DNM1: variants seen among roughly 807,000 people sequenced by gnomAD.
DNM1 encodes the protein dynamin-1.
A neutral mutation model predicts 104.6 loss-of-function variants in DNM1; 29 were observed. The ratio of observed to expected loss-of-function variants is 0.28; its 90% CI spans 0.21 to 0.38. The LOEUF is 0.38. Ranked by LOEUF, DNM1 falls within the 10% of genes least tolerant of loss-of-function variation. DNM1 has a pLI of 1.00. For missense variants in DNM1, 640 were observed against 1,189.4 expected (o/e 0.54, Z 6.79); for synonymous variants, 445 against 475.8 (o/e 0.94, Z 0.84).
In DNM1 at chr9:128,219,262, C is replaced by T. The variant is rs987855255; in HGVS notation, c.589+10C>T. On this transcript the variant is annotated intron_variant, in intron 4 of 21. Transcript: ENST00000372923. ...GAGGTGGACCCCCAGGGTAGGTTCC[C>T]ACCCGGTGGCCAATGCACAAAACCC... The T allele has an allele frequency of 8.1e-6, 13 of 1,612,860 alleles. No homozygotes were observed. The African/African-American group carries it at 1.6e-4, about 20-fold the overall frequency.
chr9:128,227,519 C>G (rs1324727969), intron 10 of DNM1, among the ~76,000 whole-genome samples: 1 of 149,414 alleles, frequency 6.7e-6, no homozygotes, highest in African/African-American at 2.5e-5. Flanking sequence ...GTGGCTGGGA[C>G]TACAGGTGAG....
rs765097955 is a variant in DNM1 at position 128,218,325 on chromosome 9, G to C, written c.235+21G>C. The C allele has an allele frequency of 5.0e-5, 81 of 1,613,374 alleles. No individual in the cohort carries two copies. The highest frequency in any genetic ancestry group is 1.6e-4 in the Middle Eastern group (1 of 6,084). Reference sequence around the variant, plus strand: ...CACAGGTACGTGCCCTCCTTCACCAGCAGCCAGGCCTGCCCACTCCAGCCT... The same window carrying C: ...CACAGGTACGTGCCCTCCTTCACCACCAGCCAGGCCTGCCCACTCCAGCCT... On this transcript the variant is annotated intron_variant, in intron 2 of 21. Coordinates refer to ENST00000372923, the MANE Select transcript of DNM1 (RefSeq NM_004408.4). This position sits in a 1 kb window ranked among gnomAD's most constrained non-coding sequence, Gnocchi z 4.8.
rs1438492902 is a variant in DNM1 at position 128,220,899 on chromosome 9, T to TTC, written c.849+560_849+561dup. On this transcript the variant is annotated intron_variant, in intron 6 of 21. Coordinates refer to ENST00000372923, the MANE Select transcript of DNM1 (RefSeq NM_004408.4). The surrounding 1 kb of genome is among the most constrained non-coding windows in gnomAD (Gnocchi z 5.2). The stretch of plus-strand genomic sequence containing the variant: ...TTCTTTATTTGTTTTCTTTCTTTCT[T>TTC]TCTTTCTTTCTTTCTTTCTTTCTTT... Among the ~76,000 whole-genome samples, 3 of 143,340 alleles carry TTC rather than the reference T, an allele frequency of 2.1e-5. No individual in the cohort carries two copies. Among genetic ancestry groups the TTC allele is most frequent in the African/African-American group, 7.6e-5 (3 of 39,340 alleles). 94.0% of individuals were successfully genotyped at this position (143,340 alleles called of 152,430 possible). A position where few individuals can be genotyped will look rare whatever the true frequency, so the allele number is the denominator to read the frequency against.
Position 128,240,144 on chromosome 9 carries a change from C to A in DNM1, c.1557+148C>A. 2.1e-6 allele frequency: 2 copies of A among 957,730 alleles called. No individual in the cohort carries two copies. Among genetic ancestry groups the A allele is most frequent in the Non-Finnish European group, 1.7e-6 (1 of 605,300 alleles). 59.3% of individuals were successfully genotyped at this position (957,730 alleles called of 1,614,324 possible). A position where few individuals can be genotyped will look rare whatever the true frequency, so the allele number is the denominator to read the frequency against. On this transcript the variant is annotated intron_variant, in intron 14 of 21. Coordinates refer to ENST00000372923, the MANE Select transcript of DNM1 (RefSeq NM_004408.4). This position sits in a 1 kb window ranked among gnomAD's most constrained non-coding sequence, Gnocchi z 5.1. ...CTGGCATTTCACACCTGCCCTCAGG[C>A]CAGAGGCAGGCCCAGCCGCATCCAC...
At position 128,218,150 on chromosome 9, in the gene DNM1, C is replaced by T. The variant is rs1341031268; in HGVS notation, c.162-81C>T. On this transcript the variant is annotated intron_variant, in intron 1 of 21. Coordinates refer to ENST00000372923, the MANE Select transcript of DNM1 (RefSeq NM_004408.4). This position sits in a 1 kb window ranked among gnomAD's most constrained non-coding sequence, Gnocchi z 4.8. Reference sequence around the variant, plus strand: ...GCACTTTGGAAGGAGCTTTGGCTTTCCCAGGGGCCGGACAGGTACCCCTGG... The same window carrying T: ...GCACTTTGGAAGGAGCTTTGGCTTTTCCAGGGGCCGGACAGGTACCCCTGG... 32 of 1,407,796 alleles carry T rather than the reference C, an allele frequency of 2.3e-5. No homozygotes were observed. Among genetic ancestry groups the T allele is most frequent in the Non-Finnish European group, 2.9e-5 (29 of 992,506 alleles). 87.2% of individuals were successfully genotyped at this position (1,407,796 alleles called of 1,614,324 possible). A position where few individuals can be genotyped will look rare whatever the true frequency, so the allele number is the denominator to read the frequency against.
In DNM1 at chr9:128,250,192, G is replaced by C. The variant is rs751222927; in HGVS notation, c.2154G>C (p.Ser718=). ...CGDQNTLMEE[S]AEQAQRRDEM... Reference sequence around the variant, plus strand: ...ACCAGAACACGCTGATGGAGGAGTCGGCGGAGCAGGCACAGCGGCGCGACG... The same window carrying C: ...ACCAGAACACGCTGATGGAGGAGTCCGCGGAGCAGGCACAGCGGCGCGACG... The change falls in exon 20 of 22, where the codon TCG becomes TCC. Residue 718 remains serine (S), a synonymous_variant. Coordinates refer to ENST00000372923, the MANE Select transcript of DNM1 (RefSeq NM_004408.4). 1.2e-6 allele frequency: 2 copies of C among 1,614,156 alleles called. No individual in the cohort carries two copies.
chr9:128,203,677 C>A lies in DNM1; in HGVS notation c.161+46C>A. On this transcript the variant is annotated intron_variant, in intron 1 of 21. Transcript: ENST00000372923. The surrounding 1 kb of genome is among the most constrained non-coding windows in gnomAD (Gnocchi z 5.3). Reference sequence around the variant, plus strand: ...GGCGCCGACCCCCGACCCCCGGGATCCCTGGAGTCCCCGCCCGGGGCACTG... The same window carrying A: ...GGCGCCGACCCCCGACCCCCGGGATACCTGGAGTCCCCGCCCGGGGCACTG... 1 of 1,444,660 alleles carries A rather than the reference C, an allele frequency of 6.9e-7. No homozygotes were observed. Among genetic ancestry groups the A allele is most frequent in the Non-Finnish European group, 9.1e-7 (1 of 1,103,676 alleles). 89.5% of individuals were successfully genotyped at this position (1,444,660 alleles called of 1,614,324 possible).
chr9:128,254,531 C>A lies in DNM1; in HGVS notation c.2535-123C>A. ...TGCCACACCCACACCTGCAGCCTCCCCTCCCCGGCCCTCCCACCACTGCTG... is the reference window on the plus strand; with the variant it reads ...TGCCACACCCACACCTGCAGCCTCCACTCCCCGGCCCTCCCACCACTGCTG... On this transcript the variant is annotated intron_variant, in intron 21 of 21. Transcript: ENST00000372923. This position sits in a 1 kb window ranked among gnomAD's most constrained non-coding sequence, Gnocchi z 6.1. 1 of 1,560,488 alleles carries A rather than the reference C, an allele frequency of 6.4e-7. No individual in the cohort carries two copies. Among genetic ancestry groups the A allele is most frequent in the South Asian group, 1.1e-5 (1 of 87,960 alleles).
rs61020870 is a variant in DNM1 at position 128,220,742 on chromosome 9, C to CGCGCGCCT, written c.849+402_849+403insCGCGCCTG. On this transcript the variant is annotated intron_variant, in intron 6 of 21. Coordinates refer to ENST00000372923, the MANE Select transcript of DNM1 (RefSeq NM_004408.4). This position sits in a 1 kb window ranked among gnomAD's most constrained non-coding sequence, Gnocchi z 5.2. ...CAGAACTGAAGTGCGCGCGCGCGCG[C>CGCGCGCCT]GTGTGTGTGTGTGTGTGTGTGTGTG... 2.2e-5 allele frequency among the ~76,000 whole-genome samples: 3 copies of CGCGCGCCT among 136,366 alleles called. No individual in the cohort carries two copies. The highest frequency in any genetic ancestry group is 5.6e-4 in the South Asian group (2 of 3,544). The allele number at this position is 136,366 out of a possible 152,430, so 89.5% of individuals were successfully genotyped here. A position where few individuals can be genotyped will look rare whatever the true frequency, so the allele number is the denominator to read the frequency against.
intron 19 of DNM1, 105 bp from the exon 20 acceptor site, chr9:128,250,010 G>A: frequency 6.4e-7 from 1 of 1,552,394 alleles, no homozygotes; most frequent in Non-Finnish European, 8.8e-7. Context: ...TAGGAGCCGC[G>A]TCTGAAAAGC....
intron 1 of DNM1, among the ~76,000 whole-genome samples, chr9:128,208,003 C>T (rs970253448): frequency 2.0e-5 from 3 of 151,948 alleles, no homozygotes; most frequent in African/African-American, 7.3e-5. Flanking sequence ...CCCCCCACCC[C>T]CAGGCTTTCT....
At chr9:128,205,946 A>C (rs1833933442) in intron 1 of DNM1, among the ~76,000 whole-genome samples, 1 of 152,136 alleles carries the variant, frequency 6.6e-6, no homozygotes, top group Non-Finnish European at 1.5e-5. Context: ...GAGGATGTGC[A>C]GGGTGTCCAG....
intron 10 of DNM1, chr9:128,233,657 A>C: frequency 3.7e-6 from 1 of 269,582 alleles, no homozygotes; most frequent in Non-Finnish European, 7.2e-6. Flanking sequence ...ATGAGGGAAC[A>C]CCTTGGGAGC....
intron 15 of DNM1, chr9:128,244,651 C>G (rs1235958861): frequency 2.2e-6 from 1 of 459,274 alleles, no homozygotes; most frequent in Non-Finnish European, 4.6e-6. Flanking sequence ...TGTGCCCCAA[C>G]CCCCTGGCTC....
In DNM1 at chr9:128,226,275, C is replaced by G. The variant is rs538387393; in HGVS notation, c.1335+1886C>G. 1.6e-5 allele frequency: 25 copies of G among 1,522,082 alleles called. No individual in the cohort carries two copies. The East Asian group carries it at 5.4e-4, about 33-fold the overall frequency. The allele number at this position is 1,522,082 out of a possible 1,614,324, so 94.3% of individuals were successfully genotyped here. A position where few individuals can be genotyped will look rare whatever the true frequency, so the allele number is the denominator to read the frequency against. ...CTGCTGAGCCGGCCTCACGGCTACC[C>G]GCAGGGACCCAGCCCTAGTGTTTCC... On this transcript the variant is annotated intron_variant, in intron 10 of 21. Coordinates refer to ENST00000372923, the MANE Select transcript of DNM1 (RefSeq NM_004408.4).
chr9:128,245,016 T>G lies in DNM1; in HGVS notation c.1672-1378T>G. 13 of 251,992 alleles carry G rather than the reference T, an allele frequency of 5.2e-5. No homozygotes were observed. The highest frequency in any genetic ancestry group is 8.3e-5 in the Non-Finnish European group (10 of 119,834). 15.6% of individuals were successfully genotyped at this position (251,992 alleles called of 1,614,324 possible). A position where few individuals can be genotyped will look rare whatever the true frequency, so the allele number is the denominator to read the frequency against. ...GGCAGGGGTGAGCGGGAGCTGGGGC[T>G]GAGAAGGAGGGGCCTGAGGAGGGGG... is the stretch of plus-strand genomic sequence containing the variant. On this transcript the variant is annotated intron_variant, in intron 15 of 21. Coordinates refer to ENST00000372923, the MANE Select transcript of DNM1 (RefSeq NM_004408.4). This position sits in a 1 kb window ranked among gnomAD's most constrained non-coding sequence, Gnocchi z 5.2.
chr9:128,253,869 C>T lies in DNM1; in HGVS notation c.2535-785C>T. On this transcript the variant is annotated intron_variant, in intron 21 of 21. Transcript: ENST00000372923. This position sits in a 1 kb window ranked among gnomAD's most constrained non-coding sequence, Gnocchi z 5.9. ...GTAGCCAGCCAGCGGGCTCACGCACCTTGGCCTGTTGCTCCTAGGGTCACT... is the reference window on the plus strand; with the variant it reads ...GTAGCCAGCCAGCGGGCTCACGCACTTTGGCCTGTTGCTCCTAGGGTCACT... 8.2e-7 allele frequency: 1 copy of T among 1,216,804 alleles called. No homozygotes were observed. Among genetic ancestry groups the T allele is most frequent in the Non-Finnish European group, 1.0e-6 (1 of 975,296 alleles). 75.4% of individuals were successfully genotyped at this position (1,216,804 alleles called of 1,614,324 possible).
rs1251418238 is a variant in DNM1, at chr9:128,245,278, G to A, written c.1672-1116G>A. On this transcript the variant is annotated intron_variant, in intron 15 of 21. Coordinates refer to ENST00000372923, the MANE Select transcript of DNM1 (RefSeq NM_004408.4). This position sits in a 1 kb window ranked among gnomAD's most constrained non-coding sequence, Gnocchi z 5.2. ...GCCAGGGGGGCGTTGGGGGCAGAGA[G>A]GGGTGGGCGGGATGACGCCAGGACG... 2.6e-5 allele frequency among the ~76,000 whole-genome samples: 4 copies of A among 152,096 alleles called. No homozygotes were observed. In the South Asian group the frequency reaches 8.3e-4, roughly 32 times the overall value.
intron 1 of DNM1, among the ~76,000 whole-genome samples, chr9:128,206,756 C>T (rs1390346319): frequency 6.6e-6 from 1 of 151,922 alleles, no homozygotes; most frequent in Non-Finnish European, 1.5e-5. Flanking sequence ...GGAGACAGGA[C>T]CTGAGAGATA....
Sources: allele counts gnomAD v4.1 joint callset (sites outside exome capture counted in the v4.1 genomes callset), GRCh38; gene constraint gnomAD v4.1.1; non-coding constraint Gnocchi (gnomAD v3.1); transcripts MANE v1.5; gene names NCBI Gene and HGNC (gene_info 2026-07-23, HGNC 2026-07-21).